VPS33A: variants seen among roughly 807,000 people sequenced by gnomAD.
The protein encoded by VPS33A is VPS33A core subunit of CORVET and HOPS complexes, also known as vacuolar protein sorting-associated protein 33A.
In VPS33A, 32 loss-of-function variants were observed where a neutral mutation model predicts 71.8. That is an observed-to-expected ratio of 0.45 (90% confidence interval 0.34 to 0.60). The LOEUF (loss-of-function observed/expected upper bound fraction) is 0.60. VPS33A is among the 20% of genes least tolerant of loss of function. The probability of loss-of-function intolerance (pLI) is 0.02; values close to 1 mark genes in which losing one functional copy is unlikely to be tolerated. For synonymous variants in VPS33A, 311 were observed against 292.7 expected, an observed-to-expected ratio of 1.06 and a Z score of -0.64; for missense variants, 625 against 748.5, an observed-to-expected ratio of 0.84 and a Z score of 1.92.
At chr12:122,259,504 C>G (rs1954965055) in intron 4 of VPS33A, among the ~76,000 whole-genome samples, 1 of 152,110 alleles carries the variant, frequency 6.6e-6, no homozygotes, top group South Asian at 2.1e-4. Context: ...CAGGCGTGAG[C>G]CACCACGCCC....
At chr12:122,246,096 G>A (rs1002665699) in intron 6 of VPS33A, among the ~76,000 whole-genome samples, 1 of 152,100 alleles carries the variant, frequency 6.6e-6, no homozygotes, top group Non-Finnish European at 1.5e-5. Flanking sequence ...TGGAGCTGGT[G>A]TAACTCTGCA....
At chr12:122,243,381 C>T (rs1299840765) in intron 7 of VPS33A, among the ~76,000 whole-genome samples, 1 of 151,378 alleles carries the variant, frequency 6.6e-6, no homozygotes, top group Non-Finnish European at 1.5e-5. Flanking sequence ...ATTACAGGCA[C>T]ACGCCACTGC....
Position 122,235,839 on chromosome 12 carries a change from A to G in VPS33A, c.1387T>C (p.Tyr463His), listed in dbSNP as rs574910295. ...CGTAATGTTTTCCGTATAGTTGGGTAATTGTTTCTGCCCCCCGTCTGCGGT... is the reference window on the plus strand; with the variant it reads ...CGTAATGTTTTCCGTATAGTTGGGTGATTGTTTCTGCCCCCCGTCTGCGGT... ...LKPQTGGRNN[Y>H]PTIRKTLRLW... Residue 463 changes from tyrosine to histidine, a missense_variant, in exon 11 of 13, where the codon TAC becomes CAC. Physicochemically the swap from Tyr to His is moderately conservative, Grantham distance 83. Coordinates refer to ENST00000267199, the MANE Select transcript of VPS33A (RefSeq NM_022916.6). 23 of 1,613,852 alleles carry G rather than the reference A, an allele frequency of 1.4e-5. No individual in the cohort carries two copies. In the East Asian group the frequency reaches 4.0e-4, roughly 28 times the overall value.
chr12:122,236,532 C>T (rs1209584722), intron 10 of VPS33A, among the ~76,000 whole-genome samples: 4 of 152,216 alleles, frequency 2.6e-5, no homozygotes, highest in African/African-American at 9.6e-5. Flanking sequence ...CCCAGCTACT[C>T]GGGAGGCTGA....
In VPS33A at chr12:122,239,736, T is replaced by G. The variant is rs1482319369; in HGVS notation, c.1164+142A>C. ...ACAGAGCAAGCTGGGTGACACACAG[T>G]GAGACTCCGTCTCAAAAAAAAAAAA... On this transcript the variant is annotated intron_variant, in intron 9 of 12. Coordinates refer to ENST00000267199, the MANE Select transcript of VPS33A (RefSeq NM_022916.6). 5.7e-6 allele frequency: 3 copies of G among 523,588 alleles called. 1 individual carries two copies. In the African/African-American group the frequency reaches 8.6e-5, roughly 15 times the overall value. The allele number at this position is 523,588 out of a possible 1,614,324, so 32.4% of individuals were successfully genotyped here. A position where few individuals can be genotyped will look rare whatever the true frequency, so the allele number is the denominator to read the frequency against.
At chr12:122,252,207 T>C (rs1053366005) in intron 4 of VPS33A, among the ~76,000 whole-genome samples, 1 of 152,068 alleles carries the variant, frequency 6.6e-6, no homozygotes, top group Non-Finnish European at 1.5e-5. Flanking sequence ...CAATGAGCTA[T>C]GTTCGCACCG....
At chr12:122,260,723 C>T (rs1954981700) in intron 4 of VPS33A, among the ~76,000 whole-genome samples, 1 of 152,146 alleles carries the variant, frequency 6.6e-6, no homozygotes, top group Non-Finnish European at 1.5e-5. Flanking sequence ...CGGTGGCTCA[C>T]GCCTGTAATC....
Position 122,251,796 on chromosome 12 carries a change from GA to G in VPS33A, c.484-698del, listed in dbSNP as rs377127396. Among the ~76,000 whole-genome samples, 543 of 151,698 alleles carry G rather than the reference GA, an allele frequency of 3.6e-3. 4 individuals carry two copies. Among genetic ancestry groups the G allele is most frequent in the South Asian group, 6.9e-3 (33 of 4,816 alleles). Reference sequence around the variant, plus strand: ...TCGTGGGGTGGGGGAAGGGGGGAGGGATAGCATTAGGAGATATACCTAATGT... The same window carrying G: ...TCGTGGGGTGGGGGAAGGGGGGAGGGTAGCATTAGGAGATATACCTAATGT... On this transcript the variant is annotated intron_variant, in intron 4 of 12. Transcript: ENST00000267199.
chr12:122,260,296 G>GT (rs1226973982), intron 4 of VPS33A, among the ~76,000 whole-genome samples: 3 of 143,506 alleles, frequency 2.1e-5, no homozygotes, highest in Admixed American at 6.8e-5. Flanking sequence ...TTTTTTTTTT[G>GT]TTTTTTGTTT....
chr12:122,238,770 T>TATACATACACACACACAC (rs879059947), intron 9 of VPS33A, 46 bp from the exon 10 acceptor site: 40 of 873,076 alleles, frequency 4.6e-5, no homozygotes, highest in South Asian at 1.8e-4. Flanking sequence ...TACATATACA[T>TATACATACACACACACAC]ACACACACAC....
At chr12:122,238,772 C>CAT (rs1334424350) in intron 9 of VPS33A, 48 bp from the exon 10 acceptor site, 2 of 227,456 alleles carry the variant, frequency 8.8e-6, no homozygotes, top group Non-Finnish European at 1.4e-5. Context: ...CATATACATA[C>CAT]ACACACACAC....
chr12:122,247,135 A>G (rs1243529512), intron 6 of VPS33A, among the ~76,000 whole-genome samples: 1 of 152,220 alleles, frequency 6.6e-6, no homozygotes, highest in East Asian at 1.9e-4. Context: ...TTGGAGGATA[A>G]TAACGGATCT....
At chr12:122,247,655 T>G (rs2136135433) in intron 6 of VPS33A, among the ~76,000 whole-genome samples, 1 of 152,256 alleles carries the variant, frequency 6.6e-6, no homozygotes, top group Non-Finnish European at 1.5e-5. Context: ...ATATAAAAAT[T>G]ACTACTTTGT....
chr12:122,264,355 A>G (rs1318573892), intron 1 of VPS33A, among the ~76,000 whole-genome samples, 156 bp from the exon 2 acceptor site: 2 of 152,158 alleles, frequency 1.3e-5, no homozygotes, highest in Admixed American at 6.6e-5. Flanking sequence ...ATAATACATA[A>G]AGGAGAAAAA....
Position 122,259,307 on chromosome 12 carries a change from C to A in VPS33A, c.483+1954G>T, listed in dbSNP as rs575856926. ...TGATCTCAGCTCACTGTAACCTCCA[C>A]CTCCCAGGTTCAAGCAATTCTCCCG... is the stretch of plus-strand genomic sequence containing the variant. On this transcript the variant is annotated intron_variant, in intron 4 of 12. Coordinates refer to ENST00000267199, the MANE Select transcript of VPS33A (RefSeq NM_022916.6). 1.4e-4 allele frequency among the ~76,000 whole-genome samples: 22 copies of A among 152,140 alleles called. No individual in the cohort carries two copies. In the East Asian group the frequency reaches 3.9e-3, roughly 27 times the overall value.
chr12:122,235,400 G>T (rs1238736750), intron 11 of VPS33A, among the ~76,000 whole-genome samples: 2 of 151,948 alleles, frequency 1.3e-5, no homozygotes, highest in Non-Finnish European at 2.9e-5. Flanking sequence ...AAGTAGATGG[G>T]ATTACAGGCA....
At chr12:122,235,741 C>T (rs1027498203) in intron 11 of VPS33A, 45 bp downstream of exon 11, 5 of 1,565,430 alleles carry the variant, frequency 3.2e-6, no homozygotes, top group Non-Finnish European at 4.3e-6. Flanking sequence ...CCTGGACGAT[C>T]TAACCAGTCC....
At chr12:122,250,630 C>A (rs1385940260) in intron 5 of VPS33A, among the ~76,000 whole-genome samples, 1 of 152,102 alleles carries the variant, frequency 6.6e-6, no homozygotes, top group African/African-American at 2.4e-5. Context: ...CCATTTTAAA[C>A]AGTGAAATCA....
chr12:122,260,048 A>C (rs991418212), intron 4 of VPS33A, among the ~76,000 whole-genome samples: 12 of 152,028 alleles, frequency 7.9e-5, no homozygotes, highest in African/African-American at 2.9e-4. Context: ...ATCTCAAAAA[A>C]AGAAGAAAAG....
Sources: allele counts gnomAD v4.1 joint callset (sites outside exome capture counted in the v4.1 genomes callset), GRCh38; gene constraint gnomAD v4.1.1; transcripts MANE v1.5; gene names NCBI Gene and HGNC (gene_info 2026-07-23, HGNC 2026-07-21).